Variants in EIF2AK1 observed in about 807,000 individuals in gnomAD.
The protein encoded by EIF2AK1 is eukaryotic translation initiation factor 2 alpha kinase 1.
EIF2AK1 carries 54 observed loss-of-function variants against 77.9 expected under a neutral mutation model. That is an observed-to-expected ratio of 0.69 (90% CI 0.56 to 0.87). The LOEUF is 0.87. Among genes scored for constraint, EIF2AK1 ranks in the 40% least tolerant of loss-of-function variants. The probability of loss-of-function intolerance (pLI) is 0.00; values close to 1 mark genes in which losing one functional copy is unlikely to be tolerated. For missense variants in EIF2AK1, 810 were observed against 768.6 expected (o/e 1.05, Z -0.64); for synonymous variants, 314 against 290.5 (o/e 1.08, Z -0.82).
chr7:6,028,083 C>T lies in EIF2AK1; in HGVS notation c.1530+532G>A, dbSNP rs34780482. The stretch of plus-strand genomic sequence containing the variant: ...GTCTCAAAAACAACAAATGAACAAA[C>T]AAAAAAATTGTGACATCTGTGGATT... On this transcript the variant is annotated intron_variant, in intron 13 of 14. Coordinates refer to ENST00000199389, the MANE Select transcript of EIF2AK1 (RefSeq NM_014413.4). 1,101 of 348,668 alleles carry T rather than the reference C, an allele frequency of 3.2e-3. 6 individuals are homozygous for T. The highest frequency in any genetic ancestry group is 4.0e-3 in the South Asian group (188 of 47,026). The allele number at this position is 348,668 out of a possible 1,614,324, so 21.6% of individuals were successfully genotyped here. A position where few individuals can be genotyped will look rare whatever the true frequency, so the allele number is the denominator to read the frequency against.
At chr7:6,031,163 G>A (rs768998742) in intron 11 of EIF2AK1, among the ~76,000 whole-genome samples, 7 of 152,280 alleles carry the variant, frequency 4.6e-5, no homozygotes, top group Non-Finnish European at 1.0e-4. Flanking sequence ...TTATGATAGA[G>A]TAGAAAACCC....
Position 6,032,404 on chromosome 7 carries a change from G to A in EIF2AK1, c.1333-3372C>T, listed in dbSNP as rs950019541. ...TAATCATAGACAGAACATATGCTGC[G>A]TTATATTTGAAAACCCTGAAGATTC... On this transcript the variant is annotated intron_variant, in intron 11 of 14. Coordinates refer to ENST00000199389, the MANE Select transcript of EIF2AK1 (RefSeq NM_014413.4). The surrounding 1 kb of genome is among the most constrained non-coding windows in gnomAD (Gnocchi z 4.3). Among the ~76,000 whole-genome samples, 1 of 152,110 alleles carries A rather than the reference G, an allele frequency of 6.6e-6. No homozygotes were observed. Among genetic ancestry groups the A allele is most frequent in the Non-Finnish European group, 1.5e-5 (1 of 68,022 alleles).
At position 6,041,094 on chromosome 7, in the gene EIF2AK1, T is replaced by C. The variant is rs756691336; in HGVS notation, c.917A>G (p.Lys306Arg). 1.9e-6 allele frequency: 3 copies of C among 1,614,138 alleles called. No homozygotes were observed. Among genetic ancestry groups the C allele is most frequent in the Non-Finnish European group, 2.5e-6 (3 of 1,180,010 alleles). ...DTENQNNKSV[K>R]YTTNLVIRES... is the part of the protein sequence containing the mutation. ...TCTTATGACTAAATTGGTGGTGTAC[T>C]TCACCGACTTGTTATTCTGATTTTC... Residue 306 changes from lysine to arginine, a missense_variant, in exon 9 of 15, where the codon AAG becomes AGG. This residue lies in a region of EIF2AK1 where 549 missense variants were observed against 533.7 expected (regional missense o/e 1.03). Transcript: ENST00000199389.
intron 7 of EIF2AK1, 68 bp from the exon 8 acceptor site, chr7:6,043,061 T>A: frequency 6.8e-7 from 1 of 1,472,404 alleles, no homozygotes; most frequent in Non-Finnish European, 9.5e-7. Flanking sequence ...AAAGACAGAG[T>A]TAAAATATAC....
chr7:6,037,392 C>T (rs1195961789), intron 11 of EIF2AK1, 32 bp downstream of exon 11: 2 of 1,444,060 alleles, frequency 1.4e-6, no homozygotes, highest in East Asian at 2.3e-5. Flanking sequence ...AAAGCTCCCA[C>T]TGCTTTCAAT....
chr7:6,024,655 TA>T lies in EIF2AK1; in HGVS notation c.*17del. ...AAATTTACATTCCAGTTAACTACCTTAAAAGTTAAGTCCACTTTCATCCCAC... is the reference window on the plus strand; with the variant it reads ...AAATTTACATTCCAGTTAACTACCTTAAAGTTAAGTCCACTTTCATCCCAC... On this transcript the variant is annotated 3_prime_UTR_variant, in exon 15 of 15. Coordinates refer to ENST00000199389, the MANE Select transcript of EIF2AK1 (RefSeq NM_014413.4). The T allele has an allele frequency of 6.2e-7, 1 of 1,613,774 alleles. No individual in the cohort carries two copies. Among genetic ancestry groups the T allele is most frequent in the Non-Finnish European group, 8.5e-7 (1 of 1,179,906 alleles).
chr7:6,057,982 G>A (rs1211575136), intron 1 of EIF2AK1, among the ~76,000 whole-genome samples: 2 of 152,084 alleles, frequency 1.3e-5, no homozygotes, highest in African/African-American at 2.4e-5. Context: ...ACACCTGGCA[G>A]CAACTAAAGA....
rs1469690617 is a variant in EIF2AK1, at chr7:6,052,651, T to TC, written c.277+1894dup. On this transcript the variant is annotated intron_variant, in intron 2 of 14. Coordinates refer to ENST00000199389, the MANE Select transcript of EIF2AK1 (RefSeq NM_014413.4). ...CTGGAACTATTCTTTTTTTTTTTTT[T>TC]CTCTAGAGGCAGAGTCTTACTATGT... Among the ~76,000 whole-genome samples, 4 of 150,438 alleles carry TC rather than the reference T, an allele frequency of 2.7e-5. No homozygotes were observed. The Admixed American group carries it at 2.7e-4, about 10-fold the overall frequency.
In EIF2AK1 at chr7:6,037,597, C is replaced by T. The variant is rs554516145; in HGVS notation, c.1232-73G>A. Reference sequence around the variant, plus strand: ...TACATGGGCATCTAAATATTAATGTCATTCTAAATACATTAACATCTGACA... The same window carrying T: ...TACATGGGCATCTAAATATTAATGTTATTCTAAATACATTAACATCTGACA... On this transcript the variant is annotated intron_variant, in intron 10 of 14. Transcript: ENST00000199389. 19 of 868,890 alleles carry T rather than the reference C, an allele frequency of 2.2e-5. No homozygotes were observed. In the South Asian group the frequency reaches 2.5e-4, roughly 11 times the overall value. 53.8% of individuals were successfully genotyped at this position (868,890 alleles called of 1,614,324 possible).
rs1788279227 is a variant in EIF2AK1, at chr7:6,040,938, G to A, written c.1073C>T (p.Thr358Ile). ...NSHLEESFTSTEESSEENVNF... is the reference protein window; with the variant it reads ...NSHLEESFTSIEESSEENVNF... ...GACATTTTCTTCGGAAGATTCTTCG[G>A]TGGATGTGAAACTCTCCTCTAGGTG... The change falls in exon 9 of 15, where the codon ACC becomes ATC. Residue 358 changes from threonine to isoleucine, a missense_variant. Thr to Ile is a moderately conservative substitution (Grantham distance 89). Around this residue, in one of 3 missense-constraint regions of EIF2AK1, gnomAD observed 549 missense variants for 533.7 expected, o/e 1.03. Transcript: ENST00000199389. 6 of 1,614,012 alleles carry A rather than the reference G, an allele frequency of 3.7e-6. No homozygotes were observed. In the African/African-American group the frequency reaches 5.3e-5, roughly 14 times the overall value.
chr7:6,059,149 G>T lies in EIF2AK1; in HGVS notation c.-66C>A. ...CCCAGCACTGCCACACTCCGATGCT[G>T]CAGCTAGCGCCGTCCGACCCGGAAG... On this transcript the variant is annotated 5_prime_UTR_variant, in exon 1 of 15. Coordinates refer to ENST00000199389, the MANE Select transcript of EIF2AK1 (RefSeq NM_014413.4). 1.8e-6 allele frequency: 2 copies of T among 1,106,952 alleles called. No individual in the cohort carries two copies. The highest frequency in any genetic ancestry group is 1.7e-5 in the African/African-American group (1 of 60,578). The allele number at this position is 1,106,952 out of a possible 1,614,324, so 68.6% of individuals were successfully genotyped here. A position where few individuals can be genotyped will look rare whatever the true frequency, so the allele number is the denominator to read the frequency against.
intron 1 of EIF2AK1, among the ~76,000 whole-genome samples, chr7:6,056,628 A>ATATATATATGTATG (rs749747260): frequency 0.07 from 5,281 of 75,762 alleles, 371 homozygotes; most frequent in African/African-American, 0.088. Context: ...ATATATATAT[A>ATATATATATGTATG]TATATATAAA....
Position 6,042,966 on chromosome 7 carries a change from G to C in EIF2AK1, c.758C>G (p.Ser253Cys). 1.2e-6 allele frequency: 2 copies of C among 1,614,134 alleles called. No homozygotes were observed. Among genetic ancestry groups the C allele is most frequent in the African/African-American group, 1.3e-5 (1 of 75,054 alleles). ...TTCCTGGTCGGAGAGCACTTCCAGAGATGGCAACTCAATGGCAGCTCTGTC... is the reference window on the plus strand; with the variant it reads ...TTCCTGGTCGGAGAGCACTTCCAGACATGGCAACTCAATGGCAGCTCTGTC... ...RADRAAIELP[S>C]LEVLSDQEED... Residue 253 changes from serine (S) to cysteine (C), a missense_variant, in exon 8 of 15, where the codon TCT becomes TGT. Physicochemically the swap from Ser to Cys is moderately radical, Grantham distance 112. This residue lies in a region of EIF2AK1 where 549 missense variants were observed against 533.7 expected (regional missense o/e 1.03). Transcript: ENST00000199389.
In EIF2AK1 at chr7:6,022,499, A is replaced by C. The variant is rs922464168; in HGVS notation, c.*2174T>G. 1 of 152,140 alleles carries C rather than the reference A, an allele frequency of 6.6e-6. No individual in the cohort carries two copies. Among genetic ancestry groups the C allele is most frequent in the Non-Finnish European group, 1.5e-5 (1 of 68,040 alleles). 9.4% of individuals were successfully genotyped at this position (152,140 alleles called of 1,614,324 possible). ...TGATGAGATGTGCAACATGGTTTTG[A>C]TAAGAGGCAGCAAGGGTTTAGGACA... On this transcript the variant is annotated 3_prime_UTR_variant, in exon 15 of 15. Coordinates refer to ENST00000199389, the MANE Select transcript of EIF2AK1 (RefSeq NM_014413.4).
At chr7:6,043,088 G>A (rs1179307782) in intron 7 of EIF2AK1, 95 bp from the exon 8 acceptor site, 1 of 1,216,116 alleles carries the variant, frequency 8.2e-7, no homozygotes, top group South Asian at 1.3e-5. Context: ...TGTCAAATGA[G>A]ACTACAAGTC....
chr7:6,055,376 A>G (rs77922852), intron 1 of EIF2AK1, among the ~76,000 whole-genome samples: 12,538 of 148,464 alleles, frequency 0.084, 699 homozygotes, highest in African/African-American at 0.14. Context: ...AGTTGGGCAG[A>G]TGACAGAGGG....
In EIF2AK1 at chr7:6,043,944, C is replaced by A. The variant is rs1788369219; in HGVS notation, c.730+618G>T. Reference sequence around the variant, plus strand: ...TGAAACCCTGTCTGTACTAAAAATACAAAAATTAGCCAGGCGTGGCGGCAC... The same window carrying A: ...TGAAACCCTGTCTGTACTAAAAATAAAAAAATTAGCCAGGCGTGGCGGCAC... On this transcript the variant is annotated intron_variant, in intron 7 of 14. Coordinates refer to ENST00000199389, the MANE Select transcript of EIF2AK1 (RefSeq NM_014413.4). 2.0e-5 allele frequency among the ~76,000 whole-genome samples: 3 copies of A among 150,644 alleles called. No individual in the cohort carries two copies. The South Asian group carries it at 6.3e-4, about 32-fold the overall frequency.
chr7:6,047,284 G>A (rs575016232), intron 4 of EIF2AK1, 193 bp from the exon 5 acceptor site: 81 of 696,914 alleles, frequency 1.2e-4, no homozygotes, highest in African/African-American at 1.1e-3. Context: ...TACCAGTAAC[G>A]GGTATTCCAA....
chr7:6,044,664 A>G lies in EIF2AK1; in HGVS notation c.631-3T>C, dbSNP rs1314847075. On this transcript the variant is annotated splice_region_variant and splice_polypyrimidine_tract_variant and intron_variant, in intron 6 of 14. Transcript: ENST00000199389. The stretch of plus-strand genomic sequence containing the variant: ...AGCACCTTCACTTCCCGTAGGACCT[A>G]GAAAAGAAATGGAAGTAGATCTGCC... 1 of 1,613,266 alleles carries G rather than the reference A, an allele frequency of 6.2e-7. No individual in the cohort carries two copies. Among genetic ancestry groups the G allele is most frequent in the Non-Finnish European group, 8.5e-7 (1 of 1,179,516 alleles).
Sources: allele counts gnomAD v4.1 joint callset (sites outside exome capture counted in the v4.1 genomes callset), GRCh38; gene constraint gnomAD v4.1.1; regional missense constraint gnomAD v4.1.1; non-coding constraint Gnocchi (gnomAD v3.1); transcripts MANE v1.5; gene names NCBI Gene and HGNC (gene_info 2026-07-23, HGNC 2026-07-21).